CALN1: variants seen among roughly 807,000 people sequenced by gnomAD.
CALN1 encodes calcium-binding protein 8.
Under a neutral mutation model 30.6 loss-of-function variants are expected in CALN1, and 17 were observed. The ratio of observed to expected loss-of-function variants is 0.56; its 90% CI spans 0.38 to 0.83. The LOEUF (loss-of-function observed/expected upper bound fraction) is 0.83. CALN1 is among the 40% of genes least tolerant of loss of function. The pLI, the probability that CALN1 is intolerant of heterozygous loss-of-function variation, is 0.00. For missense variants in CALN1, 291 were observed against 354.9 expected (o/e 0.82, Z 1.45); for synonymous variants, 156 against 131.4 (o/e 1.19, Z -1.28).
At chr7:72,336,213 C>G (rs1432417518) in intron 2 of CALN1, among the ~76,000 whole-genome samples, 1 of 152,156 alleles carries the variant, frequency 6.6e-6, no homozygotes, top group Non-Finnish European at 1.5e-5. Context: ...CCCGCCTCCC[C>G]CGATCGCCAT....
chr7:72,408,299 T>C (rs1372124123), intron 1 of CALN1, among the ~76,000 whole-genome samples: 1 of 147,378 alleles, frequency 6.8e-6, no homozygotes, highest in South Asian at 2.1e-4. Flanking sequence ...AAATTAGTAG[T>C]GCGTGGTGGC....
intron 3 of CALN1, among the ~76,000 whole-genome samples, chr7:72,176,847 G>A (rs1000569799): frequency 1.1e-4 from 16 of 152,168 alleles, no homozygotes; most frequent in African/African-American, 3.9e-4. Context: ...GTCTTATTTG[G>A]TGCCAGATCC....
chr7:72,281,437 A>AC (rs1797728255), intron 2 of CALN1, among the ~76,000 whole-genome samples: 1 of 152,070 alleles, frequency 6.6e-6, no homozygotes, highest in South Asian at 2.1e-4. Flanking sequence ...TTTCAACTTC[A>AC]CCCTCAGTAC....
intron 3 of CALN1, among the ~76,000 whole-genome samples, chr7:72,186,659 C>G (rs773030028): frequency 6.6e-6 from 1 of 152,124 alleles, no homozygotes; most frequent in Admixed American, 6.5e-5. Flanking sequence ...CAAGTGAGAA[C>G]ATCCACTATT....
intron 5 of CALN1, among the ~76,000 whole-genome samples, chr7:71,854,887 TA>T (rs1790853281): frequency 6.6e-6 from 1 of 152,172 alleles, no homozygotes; most frequent in Non-Finnish European, 1.5e-5. Flanking sequence ...CGGCTTCCCT[TA>T]AACATTAAGA....
At chr7:71,903,847 T>C (rs1361775015) in intron 5 of CALN1, among the ~76,000 whole-genome samples, 2 of 152,104 alleles carry the variant, frequency 1.3e-5, no homozygotes, top group African/African-American at 4.8e-5. Context: ...TTTAACTCCA[T>C]TGGAAGAAAA....
intron 5 of CALN1, among the ~76,000 whole-genome samples, chr7:71,909,221 C>A (rs1377171149): frequency 6.6e-6 from 1 of 152,174 alleles, no homozygotes; most frequent in Non-Finnish European, 1.5e-5. Context: ...CTGTGTTGCC[C>A]AGGTTGGCCT....
At chr7:71,984,826 T>C (rs1348335805) in intron 5 of CALN1, among the ~76,000 whole-genome samples, 1 of 152,202 alleles carries the variant, frequency 6.6e-6, no homozygotes, top group Non-Finnish European at 1.5e-5. Flanking sequence ...TGGCTAAGCT[T>C]ATGTAGGAAA....
intron 2 of CALN1, among the ~76,000 whole-genome samples, chr7:72,348,124 G>GA (rs1193102340): frequency 6.6e-6 from 1 of 151,632 alleles, no homozygotes. Flanking sequence ...CTGTCTCAAA[G>GA]AAAAAAAAGA....
At chr7:72,361,424 T>A (rs1192543224) in intron 2 of CALN1, among the ~76,000 whole-genome samples, 1 of 152,186 alleles carries the variant, frequency 6.6e-6, no homozygotes, top group Non-Finnish European at 1.5e-5. Context: ...GAGCATCGCT[T>A]GAACCCAGGA....
At chr7:72,487,955 A>AAAGGAAGGAAGGAAGGAAAGG in the CALN1 span, among the ~76,000 whole-genome samples, 1 of 54,390 alleles carries the variant, frequency 1.8e-5, no homozygotes, top group East Asian at 9.0e-4. Flanking sequence ...GGAAGGAAGG[A>AAAGGAAGGAAGGAAGGAAAGG]AAGGAAGGAA....
At chr7:72,270,925 T>C (rs148831180) in intron 3 of CALN1, among the ~76,000 whole-genome samples, 10 of 152,278 alleles carry the variant, frequency 6.6e-5, no homozygotes, top group Non-Finnish European at 1.5e-4. Flanking sequence ...AATGCTGTTG[T>C]CTAGGAAGTG....
At chr7:72,364,164 T>C (rs370055273) in intron 2 of CALN1, among the ~76,000 whole-genome samples, 34 of 152,284 alleles carry the variant, frequency 2.2e-4, no homozygotes, top group African/African-American at 8.2e-4. Flanking sequence ...TAGAGAAGCA[T>C]ACCTCATTAC....
intron 3 of CALN1, among the ~76,000 whole-genome samples, chr7:72,160,425 T>C (rs1262139382): frequency 2.0e-5 from 3 of 151,936 alleles, no homozygotes; most frequent in Admixed American, 1.3e-4. Context: ...ATTACAGGCA[T>C]GCGCCACCAT....
At chr7:71,828,383 T>C (rs984871695) in intron 5 of CALN1, among the ~76,000 whole-genome samples, 3 of 152,054 alleles carry the variant, frequency 2.0e-5, no homozygotes, top group Admixed American at 6.6e-5. Context: ...TTACCTTACA[T>C]GGTAAAAGGG....
At chr7:72,253,621 A>C (rs955459673) in intron 3 of CALN1, among the ~76,000 whole-genome samples, 3 of 152,252 alleles carry the variant, frequency 2.0e-5, no homozygotes, top group Non-Finnish European at 4.4e-5. Context: ...ACTCACTGTC[A>C]TAAGAACAGC....
intron 3 of CALN1, among the ~76,000 whole-genome samples, chr7:72,213,516 C>T (rs1012132432): frequency 3.3e-5 from 5 of 151,992 alleles, no homozygotes; most frequent in Admixed American, 2.6e-4. Context: ...AATTGGATTT[C>T]GGTGAGGGAT....
intron 6 of CALN1, among the ~76,000 whole-genome samples, chr7:71,808,864 G>T (rs1322347734): frequency 6.6e-6 from 1 of 152,098 alleles, no homozygotes; most frequent in African/African-American, 2.4e-5. Context: ...GGGAAGGCCA[G>T]GTCTGCTGTT....
At chr7:72,100,499 T>C (rs1249901747) in intron 4 of CALN1, among the ~76,000 whole-genome samples, 2 of 152,012 alleles carry the variant, frequency 1.3e-5, no homozygotes, top group African/African-American at 4.8e-5. Context: ...TTAAATCTTA[T>C]AGGAATAACT....
Sources: allele counts gnomAD v4.1 joint callset (sites outside exome capture counted in the v4.1 genomes callset), GRCh38; gene constraint gnomAD v4.1.1; transcripts MANE v1.5; gene names NCBI Gene and HGNC (gene_info 2026-07-23, HGNC 2026-07-21).